The following NOD2 variants were observed in gnomAD, a reference collection of about 807,000 sequenced individuals.
The protein encoded by NOD2 is nucleotide-binding oligomerization domain-containing protein 2.
NOD2 carries 86 observed loss-of-function variants against 90.9 expected under a neutral mutation model. That is an observed-to-expected ratio of 0.95 (90% CI 0.79 to 1.13). The LOEUF (loss-of-function observed/expected upper bound fraction) is 1.13. Among genes scored for constraint, NOD2 ranks in the 50% most tolerant of loss-of-function variants. The pLI, the probability that NOD2 is intolerant of heterozygous loss-of-function variation, is 0.00. For synonymous variants in NOD2, 581 were observed against 554.6 expected, an observed-to-expected ratio of 1.05 and a Z score of -0.67; for missense variants, 1,238 against 1,283.8, an observed-to-expected ratio of 0.96 and a Z score of 0.55.
intron 4 of NOD2, chr16:50,712,671 G>A: frequency 2.2e-6 from 1 of 457,876 alleles, no homozygotes. Context: ...CATTATCCTT[G>A]ACTTGAGGCT....
rs759520552 is a variant in NOD2, at chr16:50,710,948, G to A, written c.956G>A (p.Arg319Gln). The A allele has an allele frequency of 2.4e-5, 39 of 1,614,050 alleles. No individual in the cohort carries two copies. The highest frequency in any genetic ancestry group is 5.5e-5 in the South Asian group (5 of 91,092). ...LQCMAKPLSV[R>Q]TLLFEHCCWP... ...TGCATGGCCAAACCACTCTCTGTGC[G>A]GACTCTACTCTTTGAGCACTGCTGT... The change falls in exon 4 of 12, where the codon CGG becomes CAG. Residue 319 changes from arginine to glutamine, a missense_variant. Around this residue, in one of 3 missense-constraint regions of NOD2, gnomAD observed 567 missense variants for 577.3 expected, o/e 0.98. Coordinates refer to ENST00000647318, the MANE Select transcript of NOD2 (RefSeq NM_001370466.1).
At chr16:50,696,608 A>T (rs928506054) in intron 1 of NOD2, 1 of 152,618 alleles carries the variant, frequency 6.6e-6, no homozygotes, top group Non-Finnish European at 1.5e-5. Flanking sequence ...ATAATGATTA[A>T]CTTCCCAAGC....
chr16:50,724,461 G>A (rs1469089276), intron 9 of NOD2, among the ~76,000 whole-genome samples: 1 of 152,254 alleles, frequency 6.6e-6, no homozygotes, highest in Non-Finnish European at 1.5e-5. Context: ...AGAACTGGGA[G>A]TGCTCCACCC....
chr16:50,728,096 C>A, intron 10 of NOD2: 2 of 233,158 alleles, frequency 8.6e-6, no homozygotes, highest in South Asian at 1.1e-4. Context: ...TCACTCAGCT[C>A]ATGAGGCACA....
intron 11 of NOD2, 161 bp downstream of exon 11, chr16:50,730,062 TAAGA>T: frequency 1.6e-6 from 1 of 625,174 alleles, no homozygotes; most frequent in South Asian, 1.6e-5. Flanking sequence ...ATTCTCTGTC[TAAGA>T]AAGAAGTCTT....
At chr16:50,726,665 C>G (rs1449157565) in intron 10 of NOD2, among the ~76,000 whole-genome samples, 1 of 152,182 alleles carries the variant, frequency 6.6e-6, no homozygotes, top group African/African-American at 2.4e-5. Flanking sequence ...CCACTTGACT[C>G]CCATGGATGC....
rs1229536936 is a variant in NOD2, at chr16:50,723,439, C to T, written c.2801+55C>T. ...AAGTGGATCACAATCTCTGTTGATC[C>T]CCTGGCCTCATCCATAGGAGCGGTT... On this transcript the variant is annotated intron_variant, in intron 9 of 11. Coordinates refer to ENST00000647318, the MANE Select transcript of NOD2 (RefSeq NM_001370466.1). 6 of 1,514,472 alleles carry T rather than the reference C, an allele frequency of 4.0e-6. No homozygotes were observed. The African/African-American group carries it at 6.8e-5, about 17-fold the overall frequency. 93.8% of individuals were successfully genotyped at this position (1,514,472 alleles called of 1,614,324 possible).
intron 7 of NOD2, among the ~76,000 whole-genome samples, chr16:50,721,944 C>T (rs945883291): frequency 2.0e-5 from 3 of 152,220 alleles, no homozygotes; most frequent in African/African-American, 4.8e-5. Flanking sequence ...AGAGCTCAAT[C>T]GATACATACC....
chr16:50,716,762 G>T, intron 5 of NOD2, 92 bp downstream of exon 5: 1 of 1,491,690 alleles, frequency 6.7e-7, no homozygotes, highest in Non-Finnish European at 9.4e-7. Context: ...GATGGGCTGG[G>T]GCAGGGGCTG....
At chr16:50,727,773 G>C (rs1231914294) in intron 10 of NOD2, 7 of 343,306 alleles carry the variant, frequency 2.0e-5, no homozygotes, top group African/African-American at 6.4e-5. Context: ...GGCTGCAGGT[G>C]TTGCAGTTTT....
chr16:50,699,986 C>T, intron 2 of NOD2, 32 bp downstream of exon 2: 1 of 1,580,454 alleles, frequency 6.3e-7, no homozygotes, highest in South Asian at 1.1e-5. Context: ...TCACAGAGTT[C>T]TCAGGAAAGG....
intron 10 of NOD2, chr16:50,728,389 AT>A: frequency 6.3e-6 from 2 of 318,094 alleles, no homozygotes; most frequent in East Asian, 9.1e-5. Context: ...TTTACAACCC[AT>A]TTTGAATTCA....
intron 6 of NOD2, 185 bp from the exon 7 acceptor site, chr16:50,719,740 G>C (rs753819456): frequency 1.4e-6 from 1 of 714,602 alleles, no homozygotes; most frequent in Non-Finnish European, 2.6e-6. Context: ...CCTTTGCTGG[G>C]GGAAAATGAA....
At position 50,710,621 on chromosome 16, in the gene NOD2, T is replaced by A; in HGVS notation, c.629T>A (p.Leu210His). The A allele has an allele frequency of 6.2e-7, 1 of 1,614,220 alleles. No individual in the cohort carries two copies. Among genetic ancestry groups the A allele is most frequent in the Non-Finnish European group, 8.5e-7 (1 of 1,180,036 alleles). The change falls in exon 4 of 12, where the codon CTC becomes CAC. Residue 210 changes from leucine to histidine, a missense_variant. Physicochemically the swap from Leu to His is moderately conservative, Grantham distance 99. Coordinates refer to ENST00000647318, the MANE Select transcript of NOD2 (RefSeq NM_001370466.1). Reference protein sequence around the residue: ...RTTVSAQSRFLSTYDGAETLC... With the variant: ...RTTVSAQSRFHSTYDGAETLC... ...ACGGTGTCTGCTCAGTCTCGCTTCC[T>A]CAGTACCTATGATGGAGCAGAGACG...
At chr16:50,713,444 C>T (rs1035087790) in intron 4 of NOD2, 9 of 152,156 alleles carry the variant, frequency 5.9e-5, no homozygotes, top group African/African-American at 2.2e-4. Flanking sequence ...TTAACCCTGA[C>T]ATAGGGACCA....
rs564754539 is a variant in NOD2, at chr16:50,711,819, C to T, written c.1827C>T (p.Gly609=). 3.1e-6 allele frequency: 5 copies of T among 1,614,002 alleles called. No individual in the cohort carries two copies. In the Admixed American group the frequency reaches 6.7e-5, roughly 22 times the overall value. The stretch of plus-strand genomic sequence containing the variant: ...ACCTCTTCAATTGTGGCAGGCCAGG[C>T]AACTCACCAATGGCCAGGCTCCTGC... ...LRHLFNCGRP[G]NSPMARLLPT... The change falls in exon 4 of 12, where the codon GGC becomes GGT. Residue 609 remains glycine (G), a synonymous_variant. Transcript: ENST00000647318.
At position 50,723,290 on chromosome 16, in the gene NOD2, A is replaced by G. The variant is rs754600912; in HGVS notation, c.2718-11A>G. The G allele has an allele frequency of 6.2e-7, 1 of 1,613,222 alleles. No individual in the cohort carries two copies. The highest frequency in any genetic ancestry group is 2.2e-5 in the East Asian group (1 of 44,862). ...TGCTCTGACATACTTTTGTTCCATG[A>G]TTACCTCCAGCCTGGTGGGGAACAA... On this transcript the variant is annotated splice_polypyrimidine_tract_variant and intron_variant, in intron 8 of 11. Transcript: ENST00000647318.
rs1338599093 is a variant in NOD2 at position 50,712,090 on chromosome 16, C to G, written c.2098C>G (p.Pro700Ala). ...KHFHSIPPAA[P>A]GEAKSVHAMP... ...CTTCCACTCCATCCCGCCAGCTGCA[C>G]CGGGTGAGGCCAAGAGCGTGCATGC... Residue 700 changes from proline to alanine, a missense_variant, in exon 4 of 12, where the codon CCG (proline) becomes GCG (alanine). Physicochemically the swap from Pro to Ala is conservative, Grantham distance 27. Transcript: ENST00000647318. 6.2e-7 allele frequency: 1 copy of G among 1,613,878 alleles called. No individual in the cohort carries two copies. The highest frequency in any genetic ancestry group is 1.7e-5 in the Admixed American group (1 of 60,032).
rs547826765 is a variant in NOD2, at chr16:50,711,195, C to T, written c.1203C>T (p.Ala401=). ...GCAAGGTGGTGACCAGCCGTCCGGC[C>T]GCTGTGTCGGCGTTCCTCAGGAAGT... The part of the protein sequence containing the change: ...NARKVVTSRP[A]AVSAFLRKYI... The change falls in exon 4 of 12, where the codon GCC becomes GCT. Residue 401 remains alanine, a synonymous_variant. Transcript: ENST00000647318. The T allele has an allele frequency of 3.9e-5, 63 of 1,613,976 alleles. No homozygotes were observed. The highest frequency in any genetic ancestry group is 3.3e-4 in the Middle Eastern group (2 of 6,084).
Sources: gnomAD v4.1 joint callset for allele counts (sites outside exome capture counted in the v4.1 genomes callset) on GRCh38, gnomAD v4.1.1 for gene constraint, gnomAD v4.1.1 regional missense constraint, MANE v1.5 for transcripts, NCBI Gene and HGNC (gene_info 2026-07-23, HGNC 2026-07-21) for gene names.